GPR155: variants seen among roughly 807,000 people sequenced by gnomAD.
GPR155 encodes G protein-coupled receptor 155.
GPR155 carries 65 observed loss-of-function variants against 93.1 expected under a neutral mutation model. That is an observed-to-expected ratio of 0.70 (90% confidence interval 0.57 to 0.86). GPR155 has a LOEUF of 0.86. Ranked by LOEUF, GPR155 falls within the 40% of genes least tolerant of loss-of-function variation. The pLI, the probability that GPR155 is intolerant of heterozygous loss-of-function variation, is 0.00. For synonymous variants in GPR155, 319 were observed against 360.1 expected (o/e 0.89, Z 1.29); for missense variants, 838 against 1,034.8 (o/e 0.81, Z 2.61).
intron 3 of GPR155, 55 bp from the exon 4 acceptor site, chr2:174,470,610 G>A: frequency 1.3e-6 from 2 of 1,520,788 alleles, no homozygotes; most frequent in Non-Finnish European, 9.0e-7. Flanking sequence ...GTTGTCCCCA[G>A]TAGCAGGCTG....
At position 174,436,091 on chromosome 2, in the gene GPR155, C is replaced by T; in HGVS notation, c.*25G>A. Reference sequence around the variant, plus strand: ...TGAATACGCGGCTAGAATATGATTCCATGTAGGGTTCTCCCCTGCATAATT... The same window carrying T: ...TGAATACGCGGCTAGAATATGATTCTATGTAGGGTTCTCCCCTGCATAATT... On this transcript the variant is annotated 3_prime_UTR_variant, in exon 16 of 16. Transcript: ENST00000392552. The T allele has an allele frequency of 1.9e-6, 3 of 1,580,990 alleles. No individual in the cohort carries two copies. The East Asian group carries it at 6.7e-5, about 35-fold the overall frequency.
At chr2:174,483,406 A>G (rs952486554) in intron 1 of GPR155, among the ~76,000 whole-genome samples, 7 of 152,198 alleles carry the variant, frequency 4.6e-5, no homozygotes, top group African/African-American at 1.2e-4. Flanking sequence ...GTTTTGTAAA[A>G]TGTTCTAAAG....
intron 3 of GPR155, 90 bp downstream of exon 3, chr2:174,472,875 G>C (rs1304935967): frequency 3.1e-6 from 3 of 973,702 alleles, no homozygotes; most frequent in Non-Finnish European, 4.7e-6. Flanking sequence ...AATATTCAAA[G>C]GGGAAAATGG....
intron 4 of GPR155, among the ~76,000 whole-genome samples, chr2:174,469,857 A>T (rs1458301612): frequency 6.6e-6 from 1 of 152,232 alleles, no homozygotes; most frequent in Non-Finnish European, 1.5e-5. Context: ...GAGATAGCTT[A>T]TAGGCATCAA....
chr2:174,435,450 C>A lies in GPR155; in HGVS notation c.*666G>T, dbSNP rs2105654632. On this transcript the variant is annotated 3_prime_UTR_variant, in exon 16 of 16. Coordinates refer to ENST00000392552, the MANE Select transcript of GPR155 (RefSeq NM_152529.7). The stretch of plus-strand genomic sequence containing the variant: ...GCATAGGTTATATGCAAATACTACA[C>A]CATTTTATTAATTATTTTATTTTAT... The A allele has an allele frequency of 1.0e-5, 1 of 100,158 alleles. No individual in the cohort carries two copies. The highest frequency in any genetic ancestry group is 3.6e-5 in the African/African-American group (1 of 27,880). 6.2% of individuals were successfully genotyped at this position (100,158 alleles called of 1,614,324 possible).
rs1486861975 is a variant in GPR155, at chr2:174,481,790, C to T, written c.167G>A (p.Gly56Asp). 3.7e-6 allele frequency: 6 copies of T among 1,614,036 alleles called. No individual in the cohort carries two copies. Among genetic ancestry groups the T allele is most frequent in the African/African-American group, 1.3e-5 (1 of 74,908 alleles). Residue 56 changes from glycine to aspartate, a missense_variant, in exon 2 of 16, where the codon GGC (glycine) becomes GAC (aspartate). By Grantham distance (94) the Gly-to-Asp change is moderately conservative (BLOSUM62 -1). Around this residue, in one of 3 missense-constraint regions of GPR155, gnomAD observed 663 missense variants for 790.1 expected, o/e 0.84. Coordinates refer to ENST00000392552, the MANE Select transcript of GPR155 (RefSeq NM_152529.7). ...LLECFGIVLC[G>D]YIAGRANVIT... ...GACATTGGCCCTTCCTGCTATGTAGCCACAAAGGACAATGCCAAAGCATTC... is the reference window on the plus strand; with the variant it reads ...GACATTGGCCCTTCCTGCTATGTAGTCACAAAGGACAATGCCAAAGCATTC...
At chr2:174,449,107 A>C (rs1365929359) in intron 11 of GPR155, among the ~76,000 whole-genome samples, 1 of 152,250 alleles carries the variant, frequency 6.6e-6, no homozygotes, top group Non-Finnish European at 1.5e-5. Flanking sequence ...CAAAGAAGAC[A>C]TACAAGCGGC....
intron 10 of GPR155, among the ~76,000 whole-genome samples, chr2:174,454,700 GAAGGA>G (rs1687441970): frequency 7.0e-6 from 1 of 141,914 alleles, no homozygotes; most frequent in African/African-American, 2.6e-5. Flanking sequence ...GAAGGGAAAG[GAAGGA>G]AAGGAAAGGA....
chr2:174,438,350 C>T (rs564951875), intron 15 of GPR155, among the ~76,000 whole-genome samples: 3 of 152,350 alleles, frequency 2.0e-5, no homozygotes, highest in African/African-American at 7.2e-5. Flanking sequence ...ACGCTCCCAG[C>T]CAGTGTCCAT....
At chr2:174,457,203 T>C (rs768722986) in intron 10 of GPR155, among the ~76,000 whole-genome samples, 3 of 152,052 alleles carry the variant, frequency 2.0e-5, no homozygotes, top group Non-Finnish European at 2.9e-5. Context: ...ACCCGGCTAC[T>C]TGGGAAGCTG....
At chr2:174,477,379 T>G (rs565324080) in intron 2 of GPR155, among the ~76,000 whole-genome samples, 15 of 152,188 alleles carry the variant, frequency 9.9e-5, no homozygotes, top group Non-Finnish European at 2.1e-4. Context: ...CACCATGTTA[T>G]ACAATAAATC....
intron 3 of GPR155, among the ~76,000 whole-genome samples, chr2:174,471,207 A>G (rs1215932562): frequency 6.6e-6 from 1 of 151,994 alleles, no homozygotes; most frequent in Admixed American, 6.6e-5. Context: ...CCTGGCTAAC[A>G]TGGTGAAACC....
chr2:174,460,413 C>T (rs1019889639), intron 9 of GPR155, among the ~76,000 whole-genome samples: 3 of 151,996 alleles, frequency 2.0e-5, no homozygotes, highest in Non-Finnish European at 4.4e-5. Flanking sequence ...CCACCCGCCT[C>T]GGCCTCCCAA....
intron 11 of GPR155, among the ~76,000 whole-genome samples, chr2:174,449,599 C>A (rs757075713): frequency 6.6e-6 from 1 of 152,146 alleles, no homozygotes; most frequent in Non-Finnish European, 1.5e-5. Flanking sequence ...AGTCCCAGAA[C>A]TTTGGGAGGA....
chr2:174,441,723 T>TTGTG lies in GPR155; in HGVS notation c.2174+392_2174+395dup, dbSNP rs3043735. Among the ~76,000 whole-genome samples, 96 of 148,204 alleles carry TTGTG rather than the reference T, an allele frequency of 6.5e-4. No individual in the cohort carries two copies. In the Middle Eastern group the frequency reaches 0.028, roughly 43 times the overall value. On this transcript the variant is annotated intron_variant, in intron 14 of 15. Transcript: ENST00000392552. ...TTGCGATAGAAAAACATCAGTATCT[T>TTGTG]TGTGTGTGTGTGTGTGTGTGTGTGT...
chr2:174,468,999 C>T lies in GPR155; in HGVS notation c.1095G>A (p.Leu365=), dbSNP rs1687916788. 2 of 1,613,890 alleles carry T rather than the reference C, an allele frequency of 1.2e-6. No individual in the cohort carries two copies. The highest frequency in any genetic ancestry group is 2.7e-5 in the African/African-American group (2 of 74,934). ...APIMYVSAWL[L]TFPTMDPKPL... ...GCTTAGGGTCCATAGTGGGAAAGGT[C>T]AGTAACCAGGCAGAAACGTACATGA... Residue 365 remains leucine (L), a synonymous_variant, in exon 5 of 16, where the codon CTG becomes CTA. Transcript: ENST00000392552.
At position 174,481,949 on chromosome 2, in the gene GPR155, G is replaced by A. The variant is rs1688338085; in HGVS notation, c.8C>T (p.Ser3Phe). Residue 3 changes from serine to phenylalanine, a missense_variant, in exon 2 of 16, where the codon TCT (serine) becomes TTT (phenylalanine). Around this residue, in one of 3 missense-constraint regions of GPR155, gnomAD observed 663 missense variants for 790.1 expected, o/e 0.84. Coordinates refer to ENST00000392552, the MANE Select transcript of GPR155 (RefSeq NM_152529.7). MN[S>F]NLPAENLTIA... is the part of the protein sequence containing the mutation. ...GGTTAAGTTCTCTGCAGGTAAATTAGAATTCATTTTCTCTCACCCTCCAAC... is the reference window on the plus strand; with the variant it reads ...GGTTAAGTTCTCTGCAGGTAAATTAAAATTCATTTTCTCTCACCCTCCAAC... The A allele has an allele frequency of 6.2e-7, 1 of 1,605,824 alleles. No individual in the cohort carries two copies. The highest frequency in any genetic ancestry group is 1.7e-5 in the Admixed American group (1 of 59,740).
chr2:174,466,734 C>A (rs947597865), intron 5 of GPR155, 107 bp from the exon 6 acceptor site: 16 of 615,828 alleles, frequency 2.6e-5, no homozygotes, highest in Non-Finnish European at 4.3e-5. Flanking sequence ...TGTCCTGGTT[C>A]GGAAAGAATT....
chr2:174,440,243 C>A (rs1199691225), intron 14 of GPR155, among the ~76,000 whole-genome samples: 1 of 152,178 alleles, frequency 6.6e-6, no homozygotes, highest in African/African-American at 2.4e-5. Context: ...ATTCTACATT[C>A]AATTTCCTAT....
Sources: gnomAD v4.1 joint callset for allele counts (sites outside exome capture counted in the v4.1 genomes callset) on GRCh38, gnomAD v4.1.1 for gene constraint, gnomAD v4.1.1 regional missense constraint, MANE v1.5 for transcripts, NCBI Gene and HGNC (gene_info 2026-07-23, HGNC 2026-07-21) for gene names.